The following IFT20 variants were observed in gnomAD, a reference collection of about 807,000 sequenced individuals.
IFT20 encodes the protein intraflagellar transport protein 20 homolog.
A neutral mutation model predicts 16.9 loss-of-function variants in IFT20; 4 were observed. The ratio of observed to expected loss-of-function variants is 0.24; its 90% confidence interval spans 0.12 to 0.54. The LOEUF is 0.54. Among genes scored for constraint, IFT20 ranks in the 20% least tolerant of loss-of-function variants. The pLI is 0.95. For synonymous variants in IFT20, 48 were observed against 49.9 expected, an observed-to-expected ratio of 0.96 and a Z score of 0.16; for missense variants, 154 against 149.7, an observed-to-expected ratio of 1.03 and a Z score of -0.15.
In IFT20 at chr17:28,328,390, T is replaced by A. The variant is rs1906465221; in HGVS notation, c.*262A>T. 2.8e-6 allele frequency: 1 copy of A among 356,172 alleles called. No homozygotes were observed. The highest frequency in any genetic ancestry group is 2.1e-5 in the African/African-American group (1 of 47,030). 22.1% of individuals were successfully genotyped at this position (356,172 alleles called of 1,614,324 possible). A position where few individuals can be genotyped will look rare whatever the true frequency, so the allele number is the denominator to read the frequency against. ...CTTTGTGAATTTACAAAAAAAAGGA[T>A]GAAAGTTTACAAACTGCTTAGTTCC... On this transcript the variant is annotated 3_prime_UTR_variant, in exon 5 of 5. Transcript: ENST00000395418.
intron 2 of IFT20, chr17:28,331,600 A>G (rs1906783992): frequency 2.2e-6 from 1 of 452,778 alleles, no homozygotes; most frequent in African/African-American, 2.0e-5. Context: ...TAAGGTTTCT[A>G]AGAGCAAGAA....
At chr17:28,328,772 G>T in intron 4 of IFT20, 39 bp from the exon 5 acceptor site, 1 of 1,204,762 alleles carries the variant, frequency 8.3e-7, no homozygotes, top group Non-Finnish European at 1.2e-6. Context: ...AAAAAAAGAT[G>T]AAGTAAACCA....
chr17:28,330,094 G>C (rs1226463979), intron 3 of IFT20: 16 of 571,480 alleles, frequency 2.8e-5, no homozygotes, highest in Middle Eastern at 9.4e-4. Flanking sequence ...ACCTCAGCTG[G>C]GTGTGGTGGC....
At chr17:28,328,760 T>C in intron 4 of IFT20, 27 bp from the exon 5 acceptor site, 6 of 1,374,468 alleles carry the variant, frequency 4.4e-6, no homozygotes, top group Non-Finnish European at 5.1e-6. Context: ...TTAGAGGCCC[T>C]GAAAAAAAGA....
chr17:28,330,874 G>A (rs1303840885), intron 2 of IFT20, among the ~76,000 whole-genome samples: 1 of 152,198 alleles, frequency 6.6e-6, no homozygotes, highest in Non-Finnish European at 1.5e-5. Context: ...GTGGCCAGCT[G>A]GACCAGGGCA....
At chr17:28,333,208 A>G (rs113670227) in intron 1 of IFT20, among the ~76,000 whole-genome samples, 9 of 152,284 alleles carry the variant, frequency 5.9e-5, no homozygotes, top group African/African-American at 1.7e-4. Context: ...AGGTGCTCCA[A>G]AGTCTACCAT....
In IFT20 at chr17:28,333,072, AAC is replaced by A. The variant is rs56753724; in HGVS notation, c.-2-1087_-2-1086del. On this transcript the variant is annotated intron_variant, in intron 1 of 4. Coordinates refer to ENST00000395418, the MANE Select transcript of IFT20 (RefSeq NM_001267776.2). Reference sequence around the variant, plus strand: ...AAAACTCACTCTTGTTCTGGCTCAAAACACACACACACACACACACACACACA... The same window carrying A: ...AAAACTCACTCTTGTTCTGGCTCAAAACACACACACACACACACACACACA... Among the ~76,000 whole-genome samples, 795 of 144,498 alleles carry A rather than the reference AAC, an allele frequency of 5.5e-3. 8 individuals carry two copies. The highest frequency in any genetic ancestry group is 0.026 in the East Asian group (122 of 4,670). 94.8% of individuals were successfully genotyped at this position (144,498 alleles called of 152,430 possible).
At chr17:28,330,650 G>T in intron 2 of IFT20, 122 bp from the exon 3 acceptor site, 1 of 696,094 alleles carries the variant, frequency 1.4e-6, no homozygotes, top group Non-Finnish European at 2.5e-6. Context: ...AAAATAGTTC[G>T]GTGTGGGCCA....
chr17:28,332,069 C>T (rs1906824626), intron 1 of IFT20, 82 bp from the exon 2 acceptor site: 3 of 1,610,838 alleles, frequency 1.9e-6, no homozygotes, highest in Non-Finnish European at 1.7e-6. Flanking sequence ...CCACTCCTGC[C>T]CTTGGACACC....
chr17:28,334,237 G>A (rs1185646344), intron 1 of IFT20, among the ~76,000 whole-genome samples: 2 of 152,224 alleles, frequency 1.3e-5, no homozygotes, highest in Non-Finnish European at 2.9e-5. Context: ...GACTTGGAGG[G>A]GAGGGCCAAC....
chr17:28,329,335 T>G lies in IFT20; in HGVS notation c.214-59A>C, dbSNP rs1906573970. The G allele has an allele frequency of 3.0e-6, 4 of 1,345,448 alleles. No individual in the cohort carries two copies. In the South Asian group the frequency reaches 4.8e-5, roughly 16 times the overall value. The allele number at this position is 1,345,448 out of a possible 1,614,324, so 83.3% of individuals were successfully genotyped here. Reference sequence around the variant, plus strand: ...TAAAACCATCTACAGCATCAAGTCCTCAAAGTGGGGAGGGGTTATCTGGGA... The same window carrying G: ...TAAAACCATCTACAGCATCAAGTCCGCAAAGTGGGGAGGGGTTATCTGGGA... On this transcript the variant is annotated intron_variant, in intron 3 of 4. Coordinates refer to ENST00000395418, the MANE Select transcript of IFT20 (RefSeq NM_001267776.2).
chr17:28,330,353 C>T (rs782156459), intron 3 of IFT20, 90 bp downstream of exon 3: 10 of 911,032 alleles, frequency 1.1e-5, no homozygotes, highest in Non-Finnish European at 1.7e-5. Context: ...GCCCTCTACC[C>T]CTCTAAATAA....
At position 28,329,411 on chromosome 17, in the gene IFT20, G is replaced by A. The variant is rs985998058; in HGVS notation, c.214-135C>T. On this transcript the variant is annotated intron_variant, in intron 3 of 4. Transcript: ENST00000395418. Reference sequence around the variant, plus strand: ...AGAAAGTGGAGCCCCAAAGCTTTTGGGTTAAGTCAGAAGGATTAACCTACT... The same window carrying A: ...AGAAAGTGGAGCCCCAAAGCTTTTGAGTTAAGTCAGAAGGATTAACCTACT... 4.2e-5 allele frequency: 28 copies of A among 670,788 alleles called. 1 individual carries two copies. The Admixed American group carries it at 7.8e-4, about 19-fold the overall frequency. The allele number at this position is 670,788 out of a possible 1,614,324, so 41.6% of individuals were successfully genotyped here.
rs1334407704 is a variant in IFT20, at chr17:28,328,344, T to G, written c.*308A>C. The G allele has an allele frequency of 2.3e-5, 6 of 265,334 alleles. No individual in the cohort carries two copies. The highest frequency in any genetic ancestry group is 6.8e-5 in the African/African-American group (3 of 44,212). 16.4% of individuals were successfully genotyped at this position (265,334 alleles called of 1,614,324 possible). A position where few individuals can be genotyped will look rare whatever the true frequency, so the allele number is the denominator to read the frequency against. On this transcript the variant is annotated 3_prime_UTR_variant, in exon 5 of 5. Transcript: ENST00000395418. ...CATCAAGCCATTTGAAAACAAAAATTTATTGCTTCTCCTTCCAAAGCTTTG... is the reference window on the plus strand; with the variant it reads ...CATCAAGCCATTTGAAAACAAAAATGTATTGCTTCTCCTTCCAAAGCTTTG...
At chr17:28,334,480 C>G (rs538635387) in intron 1 of IFT20, among the ~76,000 whole-genome samples, 151 of 152,332 alleles carry the variant, frequency 9.9e-4, no homozygotes, top group Non-Finnish European at 1.6e-3. Flanking sequence ...AAGACGCAGT[C>G]ATGAGCTTGG....
intron 1 of IFT20, among the ~76,000 whole-genome samples, chr17:28,332,903 G>C (rs1355840259): frequency 6.6e-6 from 1 of 152,162 alleles, no homozygotes; most frequent in Non-Finnish European, 1.5e-5. Flanking sequence ...GCTGGAGCCA[G>C]ACCAGGAAGA....
intron 4 of IFT20, 164 bp from the exon 5 acceptor site, chr17:28,328,897 A>G: frequency 1.6e-6 from 1 of 643,220 alleles, no homozygotes; most frequent in Non-Finnish European, 2.7e-6. Flanking sequence ...CCCATGAGAA[A>G]TCTCCAGCCC....
intron 1 of IFT20, chr17:28,332,256 G>T (rs1555576706): frequency 6.6e-7 from 1 of 1,507,642 alleles, no homozygotes; most frequent in East Asian, 2.5e-5. Context: ...AAGTCCGCTT[G>T]CTTGTCACAG....
Position 28,328,529 on chromosome 17 carries a change from C to A in IFT20, c.*123G>T. On this transcript the variant is annotated 3_prime_UTR_variant, in exon 5 of 5. Transcript: ENST00000395418. The stretch of plus-strand genomic sequence containing the variant: ...GTGCTGTCTTCAGGGGGCTGCATTC[C>A]TTACACGCCACCTCTTGTGACATAG... 1 of 694,352 alleles carries A rather than the reference C, an allele frequency of 1.4e-6. No individual in the cohort carries two copies. Among genetic ancestry groups the A allele is most frequent in the Non-Finnish European group, 2.5e-6 (1 of 392,936 alleles). 43.0% of individuals were successfully genotyped at this position (694,352 alleles called of 1,614,324 possible).
Sources: gnomAD v4.1 joint callset for allele counts (sites outside exome capture counted in the v4.1 genomes callset) on GRCh38, gnomAD v4.1.1 for gene constraint, MANE v1.5 for transcripts, NCBI Gene and HGNC (gene_info 2026-07-23, HGNC 2026-07-21) for gene names.